The following PCDH9 variants were observed in gnomAD, a reference collection of about 807,000 sequenced individuals.
The protein encoded by PCDH9 is protocadherin 9.
A neutral mutation model predicts 70.6 loss-of-function variants in PCDH9; 24 were observed. The ratio of observed to expected loss-of-function variants is 0.34; its 90% CI spans 0.25 to 0.48. The LOEUF is 0.48. Among genes scored for constraint, PCDH9 ranks in the 20% least tolerant of loss-of-function variants. The probability of loss-of-function intolerance (pLI) is 0.99; values close to 1 mark genes in which losing one functional copy is unlikely to be tolerated. For missense variants in PCDH9, 1,281 were observed against 1,503.6 expected (o/e 0.85, Z 2.45); for synonymous variants, 562 against 558.5 (o/e 1.01, Z -0.09).
intron 2 of PCDH9, among the ~76,000 whole-genome samples, chr13:67,066,499 G>T (rs2085651042): frequency 6.6e-6 from 1 of 152,216 alleles, no homozygotes; most frequent in Admixed American, 6.5e-5. Flanking sequence ...CTCCCAAAGT[G>T]CTGGGATTAT....
At chr13:66,821,289 A>C (rs2080707847) in intron 3 of PCDH9, among the ~76,000 whole-genome samples, 1 of 152,190 alleles carries the variant, frequency 6.6e-6, no homozygotes, top group Non-Finnish European at 1.5e-5. Flanking sequence ...GGTTAGGAAA[A>C]AAAATGAAGA....
intron 3 of PCDH9, among the ~76,000 whole-genome samples, chr13:66,757,368 G>A (rs563588087): frequency 6.6e-6 from 1 of 151,948 alleles, no homozygotes; most frequent in Non-Finnish European, 1.5e-5. Flanking sequence ...TATTCTTTAG[G>A]TGACTAAATT....
chr13:66,631,134 C>A, intron 4 of PCDH9, 76 bp downstream of exon 4: 1 of 755,276 alleles, frequency 1.3e-6, no homozygotes, highest in Admixed American at 2.0e-5. Context: ...TTGCCCCCTA[C>A]AATTATTTTT....
chr13:67,081,206 T>A (rs539647725), intron 2 of PCDH9, among the ~76,000 whole-genome samples: 1 of 152,330 alleles, frequency 6.6e-6, no homozygotes, highest in South Asian at 2.1e-4. Context: ...CAATCACATA[T>A]AATAAATGGT....
At chr13:66,305,894 G>T (rs186919778) in intron 4 of PCDH9, among the ~76,000 whole-genome samples, 1 of 152,020 alleles carries the variant, frequency 6.6e-6, no homozygotes, top group Admixed American at 6.6e-5. Context: ...ATTTTAACCA[G>T]GATTTCGAAA....
At chr13:66,837,457 A>C (rs2081040935) in intron 3 of PCDH9, among the ~76,000 whole-genome samples, 1 of 152,170 alleles carries the variant, frequency 6.6e-6, no homozygotes, top group Admixed American at 6.5e-5. Flanking sequence ...CTGGCTCCAA[A>C]GACCCTGCCC....
At chr13:66,589,419 A>G (rs1217216016) in intron 4 of PCDH9, among the ~76,000 whole-genome samples, 1 of 152,132 alleles carries the variant, frequency 6.6e-6, no homozygotes, top group African/African-American at 2.4e-5. Flanking sequence ...CCCCGATCTG[A>G]TCATTCTATT....
At chr13:66,610,459 A>C (rs963863352) in intron 4 of PCDH9, among the ~76,000 whole-genome samples, 3 of 152,094 alleles carry the variant, frequency 2.0e-5, no homozygotes, top group Admixed American at 6.5e-5. Context: ...AAGCACCAAA[A>C]AGCCTTCTGA....
intron 4 of PCDH9, among the ~76,000 whole-genome samples, chr13:66,416,802 C>A (rs1266074430): frequency 6.6e-6 from 1 of 152,112 alleles, no homozygotes; most frequent in African/African-American, 2.4e-5. Context: ...AAGAGATTAC[C>A]ATGCTAAGCT....
At chr13:66,781,507 G>C (rs1429752018) in intron 3 of PCDH9, among the ~76,000 whole-genome samples, 2 of 152,132 alleles carry the variant, frequency 1.3e-5, no homozygotes, top group Admixed American at 6.5e-5. Flanking sequence ...ATTAGTAGAG[G>C]CTTGGTCTCT....
At chr13:67,122,964 A>C (rs1264269796) in intron 2 of PCDH9, among the ~76,000 whole-genome samples, 1 of 152,058 alleles carries the variant, frequency 6.6e-6, no homozygotes, top group Non-Finnish European at 1.5e-5. Context: ...TTAGTGACAC[A>C]GACATTGAAA....
chr13:66,660,594 C>G (rs929904214), intron 3 of PCDH9, among the ~76,000 whole-genome samples: 1 of 152,056 alleles, frequency 6.6e-6, no homozygotes, highest in African/African-American at 2.4e-5. Flanking sequence ...CTAAGTAGAG[C>G]AGTAGTTTTA....
chr13:66,721,347 A>C (rs761731564), intron 3 of PCDH9, among the ~76,000 whole-genome samples: 1 of 152,188 alleles, frequency 6.6e-6, no homozygotes, highest in South Asian at 2.1e-4. Context: ...TATTCTCAGC[A>C]TGGACTTCAT....
chr13:67,167,092 C>T (rs577646116), intron 2 of PCDH9, among the ~76,000 whole-genome samples: 33 of 152,258 alleles, frequency 2.2e-4, no homozygotes, highest in African/African-American at 7.2e-4. Context: ...ACTGGTTCAA[C>T]TTAAGTATAA....
intron 3 of PCDH9, among the ~76,000 whole-genome samples, chr13:66,827,879 A>G (rs1207333170): frequency 6.6e-6 from 1 of 152,188 alleles, no homozygotes; most frequent in Non-Finnish European, 1.5e-5. Context: ...TTAGAGATAT[A>G]CCACAAAGGA....
At chr13:66,403,992 G>C (rs1957234566) in intron 4 of PCDH9, among the ~76,000 whole-genome samples, 1 of 152,088 alleles carries the variant, frequency 6.6e-6, no homozygotes, top group African/African-American at 2.4e-5. Context: ...AAAGATAAAG[G>C]CTGAGATTCT....
intron 4 of PCDH9, among the ~76,000 whole-genome samples, chr13:66,478,862 G>C (rs1033335028): frequency 6.6e-6 from 1 of 152,224 alleles, no homozygotes; most frequent in Non-Finnish European, 1.5e-5. Context: ...TAAGATAATT[G>C]ATGACAATGG....
At chr13:66,306,163 A>C (rs1955460942) in intron 4 of PCDH9, 1 of 152,054 alleles carries the variant, frequency 6.6e-6, no homozygotes, top group African/African-American at 2.4e-5. Context: ...AATGCAGAAA[A>C]AAGTAAACAT....
chr13:66,529,337 C>G (rs1394875416), intron 4 of PCDH9, among the ~76,000 whole-genome samples: 1 of 152,078 alleles, frequency 6.6e-6, no homozygotes, highest in African/African-American at 2.4e-5. Flanking sequence ...GCTATACACA[C>G]CTTCTTTATA....
Sources: allele counts gnomAD v4.1 joint callset (sites outside exome capture counted in the v4.1 genomes callset), GRCh38; gene constraint gnomAD v4.1.1; transcripts MANE v1.5; gene names NCBI Gene and HGNC (gene_info 2026-07-23, HGNC 2026-07-21).